TLL2: variants seen among roughly 807,000 people sequenced by gnomAD.
TLL2 encodes tolloid like 2.
TLL2 carries 106 observed loss-of-function variants against 123.0 expected under a neutral mutation model. The ratio of observed to expected loss-of-function variants is 0.86; its 90% CI spans 0.74 to 1.01. The LOEUF (loss-of-function observed/expected upper bound fraction) is 1.01. TLL2 is among the 50% of genes least tolerant of loss of function. The probability of loss-of-function intolerance (pLI) is 0.00; values close to 1 mark genes in which losing one functional copy is unlikely to be tolerated. For synonymous variants in TLL2, 494 were observed against 516.8 expected, an observed-to-expected ratio of 0.96 and a Z score of 0.60; for missense variants, 1,332 against 1,336.7, an observed-to-expected ratio of 1.00 and a Z score of 0.06.
intron 7 of TLL2, among the ~76,000 whole-genome samples, chr10:96,420,527 T>C (rs1301657308): frequency 6.6e-6 from 1 of 152,196 alleles, no homozygotes; most frequent in Non-Finnish European, 1.5e-5. Flanking sequence ...ACCTCTAAAA[T>C]GAATCGATGA....
chr10:96,457,694 G>C (rs570640259), intron 2 of TLL2, among the ~76,000 whole-genome samples: 31 of 152,250 alleles, frequency 2.0e-4, no homozygotes, highest in Non-Finnish European at 1.5e-5. Flanking sequence ...AGAAATGCTT[G>C]GGGGGTAGGA....
At chr10:96,416,804 T>A (rs1846567078) in intron 7 of TLL2, among the ~76,000 whole-genome samples, 1 of 152,206 alleles carries the variant, frequency 6.6e-6, no homozygotes, top group South Asian at 2.1e-4. Flanking sequence ...GTGACGTTCC[T>A]TCCCTCTTTC....
chr10:96,484,919 C>A (rs1244788365), intron 1 of TLL2, among the ~76,000 whole-genome samples: 1 of 152,170 alleles, frequency 6.6e-6, no homozygotes, highest in African/African-American at 2.4e-5. Context: ...AACTTTGAAA[C>A]CCATGTCATC....
intron 19 of TLL2, among the ~76,000 whole-genome samples, chr10:96,371,627 T>A (rs1444284032): frequency 6.6e-6 from 1 of 152,120 alleles, no homozygotes; most frequent in Non-Finnish European, 1.5e-5. Context: ...AATTTCAAAT[T>A]CCTGAGAGCT....
chr10:96,410,563 C>T, intron 8 of TLL2, 89 bp from the exon 9 acceptor site: 1 of 1,004,360 alleles, frequency 1.0e-6, no homozygotes. Flanking sequence ...GCAAACATAC[C>T]CCTTTGCCAG....
rs1039657654 is a variant in TLL2, at chr10:96,513,411, G to A, written c.175+100C>T. ...GAGCCGGGGATCTCAGGGGAGGGGA[G>A]GGGAGACCCGCCCCATAGACGGTAG... On this transcript the variant is annotated intron_variant, in intron 1 of 20. Coordinates refer to ENST00000357947, the MANE Select transcript of TLL2 (RefSeq NM_012465.4). 6 of 1,488,364 alleles carry A rather than the reference G, an allele frequency of 4.0e-6. No homozygotes were observed. In the South Asian group the frequency reaches 6.1e-5, roughly 15 times the overall value. 92.2% of individuals were successfully genotyped at this position (1,488,364 alleles called of 1,614,324 possible).
chr10:96,478,197 C>G lies in TLL2; in HGVS notation c.286+2152G>C, dbSNP rs7903976. 4.3e-3 allele frequency among the ~76,000 whole-genome samples: 655 copies of G among 152,336 alleles called. 3 individuals carry two copies. Among genetic ancestry groups the G allele is most frequent in the Middle Eastern group, 0.017 (5 of 294 alleles). ...ACTGCCCTGCCTCTCTTTGGGGTCTCTCACTCCCATCTGCCAACCTTGGGC... is the reference window on the plus strand; with the variant it reads ...ACTGCCCTGCCTCTCTTTGGGGTCTGTCACTCCCATCTGCCAACCTTGGGC... On this transcript the variant is annotated intron_variant, in intron 2 of 20. Transcript: ENST00000357947.
intron 2 of TLL2, among the ~76,000 whole-genome samples, chr10:96,446,591 C>G (rs530689155): frequency 1.3e-5 from 2 of 152,088 alleles, no homozygotes; most frequent in African/African-American, 4.8e-5. Flanking sequence ...CCAGTGCTGC[C>G]GAATACTCAA....
chr10:96,490,434 G>A (rs7078184), intron 1 of TLL2, among the ~76,000 whole-genome samples: 30,267 of 152,102 alleles, frequency 0.2, 3,109 homozygotes, highest in East Asian at 0.29. Flanking sequence ...ATGTAGAATC[G>A]TTTGAAAGCA....
chr10:96,509,050 G>T (rs369671952), intron 1 of TLL2, among the ~76,000 whole-genome samples: 1 of 152,052 alleles, frequency 6.6e-6, no homozygotes. Flanking sequence ...GCCATGCTTC[G>T]AGGACACCCA....
At chr10:96,408,817 C>T (rs547268458) in intron 9 of TLL2, among the ~76,000 whole-genome samples, 1 of 152,372 alleles carries the variant, frequency 6.6e-6, no homozygotes, top group South Asian at 2.1e-4. Context: ...AGCATTCAGG[C>T]TGTCAGAGTC....
intron 2 of TLL2, among the ~76,000 whole-genome samples, chr10:96,459,090 A>C (rs568337681): frequency 1.3e-5 from 2 of 152,342 alleles, no homozygotes; most frequent in South Asian, 4.1e-4. Flanking sequence ...AATAAGTAAC[A>C]GAGAGAGATT....
intron 1 of TLL2, among the ~76,000 whole-genome samples, chr10:96,502,027 G>C (rs1016410078): frequency 3.9e-5 from 6 of 152,178 alleles, no homozygotes; most frequent in Admixed American, 3.9e-4. Flanking sequence ...GAAAAACAAA[G>C]GCGATGAGAA....
At chr10:96,504,941 G>C (rs1047957465) in intron 1 of TLL2, among the ~76,000 whole-genome samples, 1 of 152,248 alleles carries the variant, frequency 6.6e-6, no homozygotes, top group African/African-American at 2.4e-5. Context: ...CTGGGAGGCA[G>C]AGCGTTCAGT....
intron 9 of TLL2, 40 bp from the exon 10 acceptor site, chr10:96,405,374 C>T: frequency 1.3e-6 from 2 of 1,598,806 alleles, no homozygotes; most frequent in South Asian, 2.2e-5. Context: ...GGCAGCAAAG[C>T]CTGAGGAGTT....
intron 10 of TLL2, among the ~76,000 whole-genome samples, chr10:96,400,357 CAAAAA>C (rs55975748): frequency 2.0e-4 from 22 of 109,894 alleles, no homozygotes; most frequent in Admixed American, 8.7e-4. Flanking sequence ...CTACTACCAT[CAAAAA>C]AAAAAAAAAA....
chr10:96,481,828 T>A (rs1483249691), intron 1 of TLL2, among the ~76,000 whole-genome samples: 2 of 152,158 alleles, frequency 1.3e-5, no homozygotes, highest in African/African-American at 2.4e-5. Flanking sequence ...TTCAGGGTCT[T>A]AGAAAGTTGG....
At chr10:96,370,367 T>A in intron 19 of TLL2, 52 bp from the exon 20 acceptor site, 1 of 1,498,720 alleles carries the variant, frequency 6.7e-7, no homozygotes, top group Non-Finnish European at 8.9e-7. Context: ...CCCTCGTGCC[T>A]CCCGCCTGCG....
rs1312433819 is a variant in TLL2, at chr10:96,373,376, G to T, written c.2662+220C>A. The T allele has an allele frequency of 3.0e-5, 14 of 472,532 alleles. No homozygotes were observed. The Admixed American group carries it at 4.8e-4, about 16-fold the overall frequency. 29.3% of individuals were successfully genotyped at this position (472,532 alleles called of 1,614,324 possible). Reference sequence around the variant, plus strand: ...GGCTGGTCTCGAACTCCTGACCTCAGATGATCCGCCTGCCTCGGCCTCCCA... The same window carrying T: ...GGCTGGTCTCGAACTCCTGACCTCATATGATCCGCCTGCCTCGGCCTCCCA... On this transcript the variant is annotated intron_variant, in intron 19 of 20. Coordinates refer to ENST00000357947, the MANE Select transcript of TLL2 (RefSeq NM_012465.4).
Sources: gnomAD v4.1 joint callset for allele counts (sites outside exome capture counted in the v4.1 genomes callset) on GRCh38, gnomAD v4.1.1 for gene constraint, MANE v1.5 for transcripts, NCBI Gene and HGNC (gene_info 2026-07-23, HGNC 2026-07-21) for gene names.